Variants in NARS2 observed in about 807,000 individuals in gnomAD.
NARS2 encodes the protein asparaginyl-tRNA synthetase 2, mitochondrial.
Under a neutral mutation model 62.9 loss-of-function variants are expected in NARS2, and 60 were observed. The observed-to-expected ratio is 0.95, with a 90% CI of 0.77 to 1.18. NARS2 has a LOEUF of 1.18. NARS2 is among the 50% of genes most tolerant of loss of function. The probability of loss-of-function intolerance (pLI) is 0.00; values close to 1 mark genes in which losing one functional copy is unlikely to be tolerated. For missense variants in NARS2, 619 were observed against 576.4 expected (o/e 1.07, Z -0.76); for synonymous variants, 196 against 200.0 (o/e 0.98, Z 0.17).
chr11:78,482,346 C>G (rs1175053099), intron 7 of NARS2, among the ~76,000 whole-genome samples: 2 of 151,860 alleles, frequency 1.3e-5, no homozygotes, highest in East Asian at 1.9e-4. Flanking sequence ...ACTAGAGAAG[C>G]AAGAGCAAAC....
intron 6 of NARS2, among the ~76,000 whole-genome samples, chr11:78,502,953 C>T (rs929003097): frequency 3.0e-5 from 4 of 131,986 alleles, no homozygotes; most frequent in African/African-American, 9.0e-5. Flanking sequence ...AAGATCACAC[C>T]GCTGCACTCC....
chr11:78,461,544 T>C (rs1003879228), intron 11 of NARS2, among the ~76,000 whole-genome samples: 1 of 134,996 alleles, frequency 7.4e-6, no homozygotes, highest in African/African-American at 2.9e-5. Context: ...AACGGTGTGA[T>C]AGGGGTGGAA....
chr11:78,540,419 T>C (rs970070143), intron 5 of NARS2, among the ~76,000 whole-genome samples: 33 of 152,206 alleles, frequency 2.2e-4, no homozygotes, highest in African/African-American at 7.7e-4. Context: ...GTAAAATATA[T>C]AGCAAGGAGC....
chr11:78,444,728 A>AAAGG (rs1565202535), intron 11 of NARS2, among the ~76,000 whole-genome samples: 1 of 95,554 alleles, frequency 1.0e-5, no homozygotes, highest in African/African-American at 4.0e-5. Context: ...CAAACAAAAC[A>AAAGG]AAAAAAAAAA....
In NARS2 at chr11:78,469,273, A is replaced by T; in HGVS notation, c.1000T>A (p.Ser334Thr). 1.9e-6 allele frequency: 3 copies of T among 1,613,288 alleles called. No individual in the cohort carries two copies. Among genetic ancestry groups the T allele is most frequent in the Non-Finnish European group, 2.5e-6 (3 of 1,179,368 alleles). The change falls in exon 10 of 14, where the codon TCC (serine) becomes ACC (threonine). Residue 334 changes from serine (S) to threonine (T), a missense_variant. Coordinates refer to ENST00000281038, the MANE Select transcript of NARS2 (RefSeq NM_024678.6). Reference sequence around the variant, plus strand: ...TCTGGGGTAAAGGTGAAGTTCTGGGATGCTTGCTTTAAGATCTCCACTGCT... The same window carrying T: ...TCTGGGGTAAAGGTGAAGTTCTGGGTTGCTTGCTTTAAGATCTCCACTGCT... ...TEAVEILKQA[S>T]QNFTFTPEWG...
At chr11:78,449,618 C>T (rs1857893259) in intron 11 of NARS2, among the ~76,000 whole-genome samples, 2 of 152,046 alleles carry the variant, frequency 1.3e-5, no homozygotes, top group Admixed American at 1.3e-4. Flanking sequence ...CTAGGCTAAG[C>T]TATAGTCACA....
intron 5 of NARS2, among the ~76,000 whole-genome samples, chr11:78,530,024 T>C (rs918704703): frequency 6.6e-6 from 1 of 152,216 alleles, no homozygotes; most frequent in African/African-American, 2.4e-5. Flanking sequence ...AAATACTGCA[T>C]ATCATGTATC....
intron 5 of NARS2, among the ~76,000 whole-genome samples, chr11:78,549,303 T>C (rs1453751357): frequency 6.6e-6 from 1 of 152,312 alleles, no homozygotes; most frequent in East Asian, 1.9e-4. Context: ...CAGGAGGTCT[T>C]GTAGTGAGAA....
intron 2 of NARS2, among the ~76,000 whole-genome samples, chr11:78,570,251 A>G (rs1031874230): frequency 2.0e-5 from 3 of 152,170 alleles, no homozygotes; most frequent in Non-Finnish European, 4.4e-5. Flanking sequence ...AGTTAACCAC[A>G]TAGTCTCTGA....
intron 7 of NARS2, among the ~76,000 whole-genome samples, chr11:78,492,761 C>T (rs938021516): frequency 2.6e-5 from 4 of 152,100 alleles, no homozygotes; most frequent in Admixed American, 1.3e-4. Context: ...TTTCATTTAC[C>T]CCTCACATAA....
chr11:78,474,465 C>A (rs990380799), intron 9 of NARS2, among the ~76,000 whole-genome samples: 1 of 152,152 alleles, frequency 6.6e-6, no homozygotes, highest in Non-Finnish European at 1.5e-5. Context: ...ATAATTTACT[C>A]ATTAATGGCT....
At chr11:78,457,810 ACACACAC>A (rs1858224349) in intron 11 of NARS2, among the ~76,000 whole-genome samples, 1 of 147,186 alleles carries the variant, frequency 6.8e-6, no homozygotes, top group Non-Finnish European at 1.5e-5. Flanking sequence ...ACACACACAC[ACACACAC>A]ACACACACAC....
intron 6 of NARS2, among the ~76,000 whole-genome samples, chr11:78,513,622 A>G (rs1243434510): frequency 6.6e-6 from 1 of 151,876 alleles, no homozygotes; most frequent in East Asian, 1.9e-4. Context: ...TACTAAATAT[A>G]CAAAAATTAG....
In NARS2 at chr11:78,438,913, A is replaced by T. The variant is rs573841958; in HGVS notation, c.1290-2099T>A. ...AAGCAAATTCAAGGAGATCTTAAGGATCTGAAAACTTTAGTTGGGAAAAGA... is the reference window on the plus strand; with the variant it reads ...AAGCAAATTCAAGGAGATCTTAAGGTTCTGAAAACTTTAGTTGGGAAAAGA... On this transcript the variant is annotated intron_variant, in intron 13 of 13. Transcript: ENST00000281038. 1.4e-4 allele frequency among the ~76,000 whole-genome samples: 22 copies of T among 152,284 alleles called. No homozygotes were observed. In the East Asian group the frequency reaches 4.2e-3, roughly 29 times the overall value.
At chr11:78,502,109 C>A (rs1860302195) in intron 6 of NARS2, among the ~76,000 whole-genome samples, 1 of 152,090 alleles carries the variant, frequency 6.6e-6, no homozygotes, top group South Asian at 2.1e-4. Context: ...TATGAAATAT[C>A]CAGAAAAGGC....
chr11:78,566,242 G>C lies in NARS2; in HGVS notation c.403C>G (p.Pro135Ala), dbSNP rs1856739627. Residue 135 changes from proline to alanine, a missense_variant, in exon 4 of 14, where the codon CCT (proline) becomes GCT (alanine). Pro to Ala is a conservative substitution (Grantham distance 27). Coordinates refer to ENST00000281038, the MANE Select transcript of NARS2 (RefSeq NM_024678.6). The stretch of plus-strand genomic sequence containing the variant: ...GGATATTGTCGCAGATACTCCAGAG[G>C]ATGCCTCTCTTTATATTTGATGGGG... Reference protein sequence around the residue: ...DFPIKYKERHPLEYLRQYPHF... With the variant: ...DFPIKYKERHALEYLRQYPHF... 2 of 1,606,144 alleles carry C rather than the reference G, an allele frequency of 1.2e-6. No homozygotes were observed. Among genetic ancestry groups the C allele is most frequent in the South Asian group, 2.2e-5 (2 of 89,644 alleles).
chr11:78,462,825 C>T (rs960688896), intron 11 of NARS2, among the ~76,000 whole-genome samples: 3 of 152,116 alleles, frequency 2.0e-5, no homozygotes, highest in Non-Finnish European at 4.4e-5. Flanking sequence ...AAACAGATAA[C>T]CCTGTATACC....
Position 78,574,850 on chromosome 11 carries a change from AC to A in NARS2, c.-363del, listed in dbSNP as rs1857074040. The A allele has an allele frequency of 4.4e-6, 1 of 224,786 alleles. No individual in the cohort carries two copies. Among genetic ancestry groups the A allele is most frequent in the African/African-American group, 2.3e-5 (1 of 43,354 alleles). 13.9% of individuals were successfully genotyped at this position (224,786 alleles called of 1,614,324 possible). ...CTACCACACCACGCCAACGCCGCTT[AC>A]GTCATCACGCTACGGGGAAGAAGGG... On this transcript the variant is annotated 5_prime_UTR_variant, in exon 1 of 14. It removes the in-frame stop codon of an upstream open reading frame in the 5' UTR. Transcript: ENST00000281038.
chr11:78,541,855 T>A (rs1372303659), intron 5 of NARS2, among the ~76,000 whole-genome samples: 1 of 152,222 alleles, frequency 6.6e-6, no homozygotes, highest in African/African-American at 2.4e-5. Context: ...TTGTTCTGCA[T>A]GCCATTAGAC....
Sources: gnomAD v4.1 joint callset for allele counts (sites outside exome capture counted in the v4.1 genomes callset) on GRCh38, gnomAD v4.1.1 for gene constraint, MANE v1.5 for transcripts, NCBI Gene and HGNC (gene_info 2026-07-23, HGNC 2026-07-21) for gene names.